The following MTDH variants were observed in gnomAD, a reference collection of about 807,000 sequenced individuals.
MTDH encodes metadherin.
Under a neutral mutation model 72.7 loss-of-function variants are expected in MTDH, and 34 were observed. The observed-to-expected ratio is 0.47, with a 90% CI of 0.36 to 0.62. The LOEUF is 0.62. Ranked by LOEUF, MTDH falls within the 20% of genes least tolerant of loss-of-function variation. MTDH has a pLI of 0.00. For synonymous variants in MTDH, 266 were observed against 268.9 expected, an observed-to-expected ratio of 0.99 and a Z score of 0.10; for missense variants, 677 against 699.4, an observed-to-expected ratio of 0.97 and a Z score of 0.36.
intron 1 of MTDH, among the ~76,000 whole-genome samples, chr8:97,654,277 GTT>G (rs1811882192): frequency 6.6e-6 from 1 of 152,186 alleles, no homozygotes; most frequent in Admixed American, 6.5e-5. Context: ...TTATGTGTAT[GTT>G]TAGTTTATGT....
At chr8:97,680,439 A>G (rs1813024825) in intron 2 of MTDH, among the ~76,000 whole-genome samples, 1 of 152,200 alleles carries the variant, frequency 6.6e-6, no homozygotes, top group Non-Finnish European at 1.5e-5. Context: ...TGTAGTCCCA[A>G]TGAATATGTA....
chr8:97,667,118 G>A (rs952210674), intron 2 of MTDH, among the ~76,000 whole-genome samples: 1 of 152,184 alleles, frequency 6.6e-6, no homozygotes, highest in African/African-American at 2.4e-5. Context: ...AGCCTCCCAA[G>A]TAGCTGGGAC....
chr8:97,644,340 G>A lies in MTDH; in HGVS notation c.-167G>A. The A allele has an allele frequency of 1.1e-6, 1 of 894,230 alleles. No homozygotes were observed. The highest frequency in any genetic ancestry group is 1.6e-6 in the Non-Finnish European group (1 of 626,654). The allele number at this position is 894,230 out of a possible 1,614,324, so 55.4% of individuals were successfully genotyped here. A position where few individuals can be genotyped will look rare whatever the true frequency, so the allele number is the denominator to read the frequency against. On this transcript the variant is annotated 5_prime_UTR_variant, in exon 1 of 12. Coordinates refer to ENST00000336273, the MANE Select transcript of MTDH (RefSeq NM_178812.4). ...AGCGGGGAACCTGGGAGACCCCTCC[G>A]CCCTCCCCGCGGTGGCAGCGGCCGA... is the stretch of plus-strand genomic sequence containing the variant.
chr8:97,673,244 G>A (rs1262720300), intron 2 of MTDH, among the ~76,000 whole-genome samples: 3 of 152,140 alleles, frequency 2.0e-5, no homozygotes, highest in Admixed American at 1.3e-4. Flanking sequence ...AATTAGGCCA[G>A]GCATGGTGGC....
In MTDH at chr8:97,644,189, G is replaced by T. The variant is rs1811460147; in HGVS notation, c.-318G>T. The T allele has an allele frequency of 3.9e-6, 1 of 255,260 alleles. No individual in the cohort carries two copies. Among genetic ancestry groups the T allele is most frequent in the Non-Finnish European group, 7.4e-6 (1 of 135,584 alleles). The allele number at this position is 255,260 out of a possible 1,614,324, so 15.8% of individuals were successfully genotyped here. On this transcript the variant is annotated 5_prime_UTR_variant, in exon 1 of 12. Coordinates refer to ENST00000336273, the MANE Select transcript of MTDH (RefSeq NM_178812.4). ...CGCGGCGTGGATCGCGGCCCAAGCC[G>T]CCATTGTTCCGCCGAGGGAGGACAG...
At chr8:97,672,861 G>T (rs1184390301) in intron 2 of MTDH, among the ~76,000 whole-genome samples, 2 of 152,198 alleles carry the variant, frequency 1.3e-5, no homozygotes, top group African/African-American at 4.8e-5. Flanking sequence ...TCTTAGGATT[G>T]TGAGTTTAGC....
intron 2 of MTDH, among the ~76,000 whole-genome samples, chr8:97,667,016 G>A (rs1378493160): frequency 2.0e-5 from 3 of 149,850 alleles, no homozygotes; most frequent in African/African-American, 4.9e-5. Flanking sequence ...TGTTTGAAGA[G>A]ACTCTCACTC....
intron 9 of MTDH, 49 bp from the exon 10 acceptor site, chr8:97,719,000 A>G: frequency 1.3e-6 from 2 of 1,503,568 alleles, no homozygotes; most frequent in South Asian, 1.3e-5. Context: ...ATTTTAATTA[A>G]TGAAGAATGA....
chr8:97,714,877 G>A (rs1043479874), intron 9 of MTDH, among the ~76,000 whole-genome samples: 2 of 151,804 alleles, frequency 1.3e-5, no homozygotes, highest in African/African-American at 2.4e-5. Context: ...CCAGGCTGGA[G>A]TGCAGTAGTG....
At chr8:97,675,177 G>A (rs1192748228) in intron 2 of MTDH, among the ~76,000 whole-genome samples, 1 of 152,160 alleles carries the variant, frequency 6.6e-6, no homozygotes. Context: ...ATCTTTAGAT[G>A]TTTATAGGGC....
intron 8 of MTDH, among the ~76,000 whole-genome samples, chr8:97,708,316 C>T (rs1814454429): frequency 8.6e-6 from 1 of 116,686 alleles, no homozygotes; most frequent in African/African-American, 3.5e-5. Context: ...GAGTTTCGCC[C>T]TGTCTCCCAG....
chr8:97,680,437 CAATG>C, intron 2 of MTDH, among the ~76,000 whole-genome samples: 1 of 152,228 alleles, frequency 6.6e-6, no homozygotes, highest in South Asian at 2.1e-4. Flanking sequence ...TTTGTAGTCC[CAATG>C]AATATGTATT....
intron 6 of MTDH, among the ~76,000 whole-genome samples, chr8:97,697,253 T>C (rs1055788776): frequency 2.0e-5 from 3 of 148,596 alleles, no homozygotes; most frequent in Non-Finnish European, 3.0e-5. Context: ...AAGGGACAGA[T>C]AGTAAACATT....
intron 1 of MTDH, among the ~76,000 whole-genome samples, chr8:97,649,021 A>AT (rs1272565733): frequency 6.6e-6 from 1 of 152,066 alleles, no homozygotes; most frequent in African/African-American, 2.4e-5. Context: ...ATGATATTGT[A>AT]TTTTTACTAT....
At chr8:97,695,122 T>C (rs1001303577) in intron 6 of MTDH, among the ~76,000 whole-genome samples, 7 of 151,568 alleles carry the variant, frequency 4.6e-5, no homozygotes, top group African/African-American at 1.5e-4. Context: ...TTTTTTTTTT[T>C]CTTTAAGATG....
rs1207401170 is a variant in MTDH, at chr8:97,729,084, TA to T, written c.*4417del. Reference sequence around the variant, plus strand: ...ACAGGTACACACCACCATGCCTGGCTAAATTTTTTTTTTTTTTTTTTGGTAG... The same window carrying T: ...ACAGGTACACACCACCATGCCTGGCTAATTTTTTTTTTTTTTTTTTGGTAG... On this transcript the variant is annotated 3_prime_UTR_variant, in exon 12 of 12. Coordinates refer to ENST00000336273, the MANE Select transcript of MTDH (RefSeq NM_178812.4). Among the ~76,000 whole-genome samples the T allele has an allele frequency of 2.7e-5, 3 of 112,982 alleles. No homozygotes were observed. Among genetic ancestry groups the T allele is most frequent in the African/African-American group, 9.3e-5 (2 of 21,454 alleles). The allele number at this position is 112,982 out of a possible 152,430, so 74.1% of individuals were successfully genotyped here.
intron 2 of MTDH, among the ~76,000 whole-genome samples, chr8:97,680,278 C>A (rs1813019813): frequency 6.6e-6 from 1 of 152,182 alleles, no homozygotes; most frequent in East Asian, 1.9e-4. Flanking sequence ...TGCCGTGTTG[C>A]CCAGGCTGGT....
At chr8:97,648,550 G>C (rs1405081514) in intron 1 of MTDH, among the ~76,000 whole-genome samples, 1 of 151,388 alleles carries the variant, frequency 6.6e-6, no homozygotes, top group Non-Finnish European at 1.5e-5. Context: ...GTGCAGTGGC[G>C]GTTATAGCTC....
intron 2 of MTDH, among the ~76,000 whole-genome samples, chr8:97,678,594 CTTTTTTTTTTTTT>C (rs35895126): frequency 3.5e-5 from 3 of 85,324 alleles, no homozygotes; most frequent in African/African-American, 5.0e-5. Context: ...TTCCTTCCTT[CTTTTTTTTTTTTT>C]TTTTTTTTTT....
Sources: allele counts gnomAD v4.1 joint callset (sites outside exome capture counted in the v4.1 genomes callset), GRCh38; gene constraint gnomAD v4.1.1; transcripts MANE v1.5; gene names NCBI Gene and HGNC (gene_info 2026-07-23, HGNC 2026-07-21).